The following CDKN2B-AS1 variants were observed in gnomAD, a reference collection of about 807,000 sequenced individuals.
CDKN2B-AS1 encodes the protein CDKN2B antisense RNA 1 (non-protein coding).
At chr9:22,095,387 T>C (rs1007541460) in intron 4 of CDKN2B-AS1, among the ~76,000 whole-genome samples, 1 of 144,824 alleles carries the variant, frequency 6.9e-6, no homozygotes, top group Non-Finnish European at 1.5e-5. Flanking sequence ...TCAGTTTCCA[T>C]GTAGGTGAGC....
chr9:22,085,274 C>T (rs548669074), intron 4 of CDKN2B-AS1, among the ~76,000 whole-genome samples: 1 of 152,208 alleles, frequency 6.6e-6, no homozygotes, highest in Non-Finnish European at 1.5e-5. Context: ...GAAATCTCAC[C>T]TAACTGGGAA....
At chr9:22,075,001 G>A (rs72693667) in intron 4 of CDKN2B-AS1, among the ~76,000 whole-genome samples, 83 of 152,294 alleles carry the variant, frequency 5.4e-4, no homozygotes, top group Non-Finnish European at 1.0e-3. Flanking sequence ...TATTGTGATT[G>A]TTATGTATTT....
At chr9:22,025,813 G>A (rs1417493687) in intron 1 of CDKN2B-AS1, among the ~76,000 whole-genome samples, 2 of 152,182 alleles carry the variant, frequency 1.3e-5, no homozygotes, top group Non-Finnish European at 2.9e-5. Context: ...TAGGATCAGG[G>A]ACCTGCTTTC....
At chr9:22,088,230 G>A (rs1005802949) in intron 4 of CDKN2B-AS1, among the ~76,000 whole-genome samples, 18 of 152,134 alleles carry the variant, frequency 1.2e-4, no homozygotes, top group African/African-American at 4.3e-4. Flanking sequence ...ATCAGCCTTC[G>A]ATTGCTGGGA....
chr9:22,046,779 C>T (rs578202872), exon 2 of CDKN2B-AS1: 3 of 152,120 alleles, frequency 2.0e-5, no homozygotes, highest in Non-Finnish European at 2.9e-5. Context: ...GAATAAGCCT[C>T]ATTCTGATTC....
chr9:22,003,693 T>C (rs1272693739), intron 1 of CDKN2B-AS1: 1 of 231,554 alleles, frequency 4.3e-6, no homozygotes, highest in Non-Finnish European at 8.5e-6. Context: ...GTGCTTCAGT[T>C]TGAAAATGGA....
chr9:22,015,469 T>G (rs1310036121), intron 1 of CDKN2B-AS1, among the ~76,000 whole-genome samples: 1 of 152,146 alleles, frequency 6.6e-6, no homozygotes. Flanking sequence ...TCCTTTACTT[T>G]TTAATATAAA....
intron 1 of CDKN2B-AS1, among the ~76,000 whole-genome samples, chr9:22,033,487 A>AGGG (rs753069013): frequency 5.3e-5 from 8 of 152,292 alleles, no homozygotes; most frequent in Admixed American, 2.6e-4. Flanking sequence ...AGTACTGGCA[A>AGGG]GTCAGATGGC....
At chr9:22,098,658 T>C (rs1306135430) in intron 4 of CDKN2B-AS1, among the ~76,000 whole-genome samples, 4 of 152,174 alleles carry the variant, frequency 2.6e-5, no homozygotes, top group African/African-American at 7.2e-5. Context: ...CTTTCTCTCA[T>C]TGAGTCCCTT....
intron 1 of CDKN2B-AS1, among the ~76,000 whole-genome samples, chr9:22,016,057 C>T (rs1821741296): frequency 6.6e-6 from 1 of 152,144 alleles, no homozygotes; most frequent in South Asian, 2.1e-4. Context: ...CCTGTTCACT[C>T]TGATGATAGT....
intron 4 of CDKN2B-AS1, among the ~76,000 whole-genome samples, chr9:22,110,526 A>G (rs1825779032): frequency 6.6e-6 from 1 of 152,148 alleles, no homozygotes; most frequent in East Asian, 1.9e-4. Flanking sequence ...ATCACTATGG[A>G]TCCCATCTTT....
At chr9:22,126,719 C>G (rs2131379398) in intron 4 of CDKN2B-AS1, among the ~76,000 whole-genome samples, 1 of 152,026 alleles carries the variant, frequency 6.6e-6, no homozygotes, top group South Asian at 2.1e-4. Context: ...ACTACAGGCG[C>G]CCGCCACTGC....
rs556051644 is a variant in CDKN2B-AS1, at chr9:22,039,305, A to C, written n.30-7446A>C. 1.7e-3 allele frequency among the ~76,000 whole-genome samples: 253 copies of C among 152,116 alleles called. No homozygotes were observed. Among genetic ancestry groups the C allele is most frequent in the African/African-American group, 5.6e-3 (233 of 41,524 alleles). ...TGAGCTTCCCATGTTCTCTCCCTGCAAGGACCACCTCAAATCCCTCAGTAG... is the reference window on the plus strand; with the variant it reads ...TGAGCTTCCCATGTTCTCTCCCTGCCAGGACCACCTCAAATCCCTCAGTAG... On this transcript the variant is annotated intron_variant and non_coding_transcript_variant, in intron 1 of 4. Coordinates refer to ENST00000650946, the Ensembl canonical transcript of CDKN2B-AS1. This position sits in a 1 kb window ranked among gnomAD's most constrained non-coding sequence, Gnocchi z 4.4.
rs73438879 is a variant in CDKN2B-AS1, at chr9:22,103,278, A to G, written n.439-23825A>G. On this transcript the variant is annotated intron_variant and non_coding_transcript_variant, in intron 4 of 4. Transcript: ENST00000650946. The stretch of plus-strand genomic sequence containing the variant: ...ATTATGTCATTATCACCACTGATAT[A>G]TAGCTGGAAGAGTTTAGTGTTGCCC... Among the ~76,000 whole-genome samples the G allele has an allele frequency of 9.1e-3, 1,386 of 152,110 alleles. 25 individuals carry two copies. Among genetic ancestry groups the G allele is most frequent in the African/African-American group, 0.031 (1,276 of 41,478 alleles).
intron 3 of CDKN2B-AS1, among the ~76,000 whole-genome samples, chr9:22,052,572 C>G (rs1337119907): frequency 2.0e-5 from 3 of 152,170 alleles, no homozygotes; most frequent in African/African-American, 7.2e-5. Context: ...ATGTGGACAT[C>G]AATACTCCCA....
chr9:22,076,413 G>T (rs1824494035), intron 4 of CDKN2B-AS1, among the ~76,000 whole-genome samples: 1 of 151,766 alleles, frequency 6.6e-6, no homozygotes, highest in Admixed American at 6.6e-5. Context: ...CAAAGAACAG[G>T]GTTGTCTAAT....
rs1039782354 is a variant in CDKN2B-AS1, at chr9:22,023,104, G to A, written n.30-23647G>A. Among the ~76,000 whole-genome samples, 3 of 152,002 alleles carry A rather than the reference G, an allele frequency of 2.0e-5. No individual in the cohort carries two copies. In the East Asian group the frequency reaches 5.8e-4, roughly 29 times the overall value. ...AGAATATGATGATTATGTGTCTTGG[G>A]GATGAACTTATTATGGGGTATCTTA... On this transcript the variant is annotated intron_variant and non_coding_transcript_variant, in intron 1 of 4. Transcript: ENST00000650946.
intron 4 of CDKN2B-AS1, among the ~76,000 whole-genome samples, chr9:22,082,172 A>AT (rs1212933649): frequency 6.6e-6 from 1 of 152,146 alleles, no homozygotes; most frequent in Non-Finnish European, 1.5e-5. Context: ...TGCAGAGTTG[A>AT]TTTTTATAAT....
At chr9:22,048,693 G>T (rs1823210476) in intron 2 of CDKN2B-AS1, among the ~76,000 whole-genome samples, 1 of 152,136 alleles carries the variant, frequency 6.6e-6, no homozygotes, top group African/African-American at 2.4e-5. Context: ...AGTGAAATTT[G>T]TAACCAACCT....
Sources: gnomAD v4.1 joint callset for allele counts (sites outside exome capture counted in the v4.1 genomes callset) on GRCh38, gnomAD v4.1.1 for gene constraint, Gnocchi (gnomAD v3.1) non-coding constraint, MANE v1.5 for transcripts, NCBI Gene and HGNC (gene_info 2026-07-23, HGNC 2026-07-21) for gene names.